Variants in KDM4C observed in about 807,000 individuals in gnomAD.
KDM4C encodes lysine-specific demethylase 4C.
A neutral mutation model predicts 129.3 loss-of-function variants in KDM4C; 81 were observed. The ratio of observed to expected loss-of-function variants is 0.63; its 90% CI spans 0.52 to 0.75. The LOEUF is 0.75. KDM4C is among the 30% of genes least tolerant of loss of function. The probability of loss-of-function intolerance (pLI) is 0.00; values close to 1 mark genes in which losing one functional copy is unlikely to be tolerated. For synonymous variants in KDM4C, 573 were observed against 456.1 expected (o/e 1.26, Z -3.26); for missense variants, 1,457 against 1,304.0 (o/e 1.12, Z -1.81).
chr9:6,872,891 C>T (rs1018690724), intron 5 of KDM4C, among the ~76,000 whole-genome samples: 7 of 152,150 alleles, frequency 4.6e-5, no homozygotes, highest in African/African-American at 1.2e-4. Context: ...CAGCCATATT[C>T]GCCTTTAACA....
intron 8 of KDM4C, chr9:6,924,615 C>T (rs1320299967): frequency 2.9e-6 from 1 of 339,066 alleles, no homozygotes; most frequent in African/African-American, 2.2e-5. Flanking sequence ...CTTGCCCACG[C>T]CAATTCAGTC....
chr9:7,064,251 A>G (rs533591802), intron 17 of KDM4C, among the ~76,000 whole-genome samples: 35 of 152,358 alleles, frequency 2.3e-4, no homozygotes, highest in African/African-American at 7.5e-4. Flanking sequence ...AAAAGGATGT[A>G]AAATATCTCA....
intron 4 of KDM4C, among the ~76,000 whole-genome samples, chr9:6,823,289 C>A (rs1833340091): frequency 6.6e-6 from 1 of 152,126 alleles, no homozygotes; most frequent in Non-Finnish European, 1.5e-5. Flanking sequence ...CTTCAGTGGC[C>A]CCTTGGAACC....
At chr9:6,925,795 G>T in intron 8 of KDM4C, 1 of 318,388 alleles carries the variant, frequency 3.1e-6, no homozygotes, top group Non-Finnish European at 4.5e-6. Context: ...TTTTAATTTT[G>T]TTTTTGGTTT....
chr9:6,983,847 C>A (rs1219149336), intron 9 of KDM4C, among the ~76,000 whole-genome samples: 3 of 151,862 alleles, frequency 2.0e-5, no homozygotes, highest in Admixed American at 6.6e-5. Context: ...TGTCTCATTT[C>A]AACATTTTTT....
chr9:6,931,948 T>C (rs368897517), intron 8 of KDM4C, among the ~76,000 whole-genome samples: 16 of 152,356 alleles, frequency 1.1e-4, no homozygotes, highest in African/African-American at 3.8e-4. Context: ...AGCAATAATA[T>C]GGTCAGTGCC....
chr9:6,736,965 C>T (rs768812757), intron 1 of KDM4C, among the ~76,000 whole-genome samples: 8 of 149,502 alleles, frequency 5.4e-5, no homozygotes, highest in Non-Finnish European at 1.0e-4. Context: ...GCACAAGTAT[C>T]GCTTGAACCT....
intron 1 of KDM4C, among the ~76,000 whole-genome samples, chr9:6,737,613 G>A (rs1164793078): frequency 7.0e-5 from 10 of 143,242 alleles, no homozygotes; most frequent in African/African-American, 1.3e-4. Context: ...GCAGTGAGCC[G>A]GGATCACACC....
chr9:6,864,622 A>G (rs1391825127), intron 5 of KDM4C, among the ~76,000 whole-genome samples: 1 of 151,698 alleles, frequency 6.6e-6, no homozygotes, highest in Non-Finnish European at 1.5e-5. Context: ...GCATGTGCCA[A>G]CATGCCCAGC....
At chr9:7,039,002 G>A (rs900147843) in intron 15 of KDM4C, among the ~76,000 whole-genome samples, 1 of 151,830 alleles carries the variant, frequency 6.6e-6, no homozygotes, top group African/African-American at 2.4e-5. Flanking sequence ...GTTATTTTAT[G>A]TTAATTATGT....
intron 5 of KDM4C, among the ~76,000 whole-genome samples, chr9:6,877,573 C>A (rs996492954): frequency 6.6e-6 from 1 of 152,164 alleles, no homozygotes; most frequent in Non-Finnish European, 1.5e-5. Flanking sequence ...CTTTGATCCC[C>A]TAGGGCTTTA....
intron 9 of KDM4C, 93 bp from the exon 10 acceptor site, chr9:6,984,073 C>T: frequency 1.3e-6 from 1 of 766,458 alleles, no homozygotes. Context: ...TTGTTTCCTT[C>T]TTTAAGCAAG....
chr9:6,932,358 G>A (rs1823911663), intron 8 of KDM4C, among the ~76,000 whole-genome samples: 1 of 152,178 alleles, frequency 6.6e-6, no homozygotes, highest in African/African-American at 2.4e-5. Context: ...ATATTCTTAG[G>A]GCCTTGAAAT....
At chr9:6,762,030 C>A (rs570361129) in intron 1 of KDM4C, among the ~76,000 whole-genome samples, 1 of 151,802 alleles carries the variant, frequency 6.6e-6, no homozygotes, top group South Asian at 2.1e-4. Flanking sequence ...GATCTCCTGA[C>A]CTCGTGATCC....
At chr9:6,850,453 TA>T (rs1838633650) in intron 5 of KDM4C, among the ~76,000 whole-genome samples, 2 of 152,126 alleles carry the variant, frequency 1.3e-5, no homozygotes, top group Admixed American at 6.5e-5. Flanking sequence ...TATTTTATTT[TA>T]TTTTTTTTTG....
chr9:6,796,703 A>G (rs777343211), intron 2 of KDM4C, among the ~76,000 whole-genome samples: 31 of 152,196 alleles, frequency 2.0e-4, no homozygotes, highest in Non-Finnish European at 2.6e-4. Context: ...CTCATTGACA[A>G]AGTTGGAGAC....
At chr9:6,897,972 G>T (rs1402390858) in intron 8 of KDM4C, among the ~76,000 whole-genome samples, 3 of 152,170 alleles carry the variant, frequency 2.0e-5, no homozygotes, top group Non-Finnish European at 4.4e-5. Flanking sequence ...AATGAAGTCC[G>T]TGATTACTCT....
intron 19 of KDM4C, among the ~76,000 whole-genome samples, chr9:7,164,781 C>G (rs754673386): frequency 2.0e-5 from 3 of 152,152 alleles, no homozygotes; most frequent in African/African-American, 4.8e-5. Flanking sequence ...TCTCAGTTTC[C>G]TTGTCAGTAA....
At chr9:6,792,682 C>T (rs1175424770) in intron 1 of KDM4C, among the ~76,000 whole-genome samples, 6 of 152,100 alleles carry the variant, frequency 3.9e-5, no homozygotes, top group East Asian at 1.9e-4. Flanking sequence ...CCACCGCACC[C>T]GGCCTAGAAA....
Sources: allele counts gnomAD v4.1 joint callset (sites outside exome capture counted in the v4.1 genomes callset), GRCh38; gene constraint gnomAD v4.1.1; transcripts MANE v1.5; gene names NCBI Gene and HGNC (gene_info 2026-07-23, HGNC 2026-07-21).